MUC13: variants seen among roughly 807,000 people sequenced by gnomAD.
MUC13 encodes the protein mucin-13.
Under a neutral mutation model 48.3 loss-of-function variants are expected in MUC13, and 32 were observed. The ratio of observed to expected loss-of-function variants is 0.66; its 90% CI spans 0.50 to 0.89. MUC13 has a LOEUF of 0.89. Among genes scored for constraint, MUC13 ranks in the 40% least tolerant of loss-of-function variants. The pLI is 0.00. For missense variants in MUC13, 571 were observed against 622.8 expected, an observed-to-expected ratio of 0.92 and a Z score of 0.88; for synonymous variants, 199 against 224.9, an observed-to-expected ratio of 0.88 and a Z score of 1.03.
At chr3:124,907,028 A>G (rs1935330655) in intron 11 of MUC13, among the ~76,000 whole-genome samples, 1 of 151,856 alleles carries the variant, frequency 6.6e-6, no homozygotes, top group Non-Finnish European at 1.5e-5. Context: ...TCAACATTTC[A>G]TTCAATCACA....
intron 8 of MUC13, chr3:124,912,350 G>A (rs920949538): frequency 2.9e-5 from 19 of 644,516 alleles, no homozygotes; most frequent in East Asian, 1.4e-4. Flanking sequence ...AGGGGGGTAC[G>A]CAATCTCATG....
chr3:124,918,174 G>A (rs1935537560), intron 5 of MUC13, among the ~76,000 whole-genome samples: 2 of 152,152 alleles, frequency 1.3e-5, no homozygotes, highest in African/African-American at 2.4e-5. Context: ...GTAGGAAAGA[G>A]CTTGGGGAGT....
intron 9 of MUC13, among the ~76,000 whole-genome samples, chr3:124,911,102 T>C (rs1218600017): frequency 6.6e-6 from 1 of 152,268 alleles, no homozygotes; most frequent in Non-Finnish European, 1.5e-5. Context: ...CTTTTTTTAT[T>C]GATTCCATGT....
Position 124,908,346 on chromosome 3 carries a change from G to A in MUC13, c.1340C>T (p.Ser447Leu), listed in dbSNP as rs548090179. 3.6e-4 allele frequency: 587 copies of A among 1,613,432 alleles called. 9 individuals carry two copies. The South Asian group carries it at 6.3e-3, about 17-fold the overall frequency. ...TTCAATATGCTTCGTTTTGTTATTT[G>A]ATCTGTAATCAGTAAGAGGAATTAG... ...MIIALIVTAR[S>L]NNKTKHIEEE... The change falls in exon 11 of 12, where the codon TCA (serine) becomes TTA (leucine). Residue 447 changes from serine (S) to leucine (L), a missense_variant and splice_region_variant. Transcript: ENST00000616727.
chr3:124,934,023 C>T (rs1333059673), intron 1 of MUC13, among the ~76,000 whole-genome samples: 2 of 152,202 alleles, frequency 1.3e-5, no homozygotes, highest in East Asian at 3.8e-4. Context: ...CTGTGGTCAG[C>T]TCTCTGATTA....
chr3:124,920,159 C>T, intron 5 of MUC13, 75 bp downstream of exon 5: 4 of 1,267,498 alleles, frequency 3.2e-6, no homozygotes, highest in Non-Finnish European at 4.5e-6. Context: ...CTTAATGTTA[C>T]ATGCAGACCT....
chr3:124,926,770 G>T (rs1935694962), intron 2 of MUC13, among the ~76,000 whole-genome samples: 1 of 152,226 alleles, frequency 6.6e-6, no homozygotes, highest in Non-Finnish European at 1.5e-5. Context: ...CCTTTTGTTT[G>T]TTAACTGTGG....
Position 124,922,283 on chromosome 3 carries a change from T to C in MUC13, c.658A>G (p.Ile220Val). 1.9e-6 allele frequency: 3 copies of C among 1,614,016 alleles called. No individual in the cohort carries two copies. Among genetic ancestry groups the C allele is most frequent in the Non-Finnish European group, 1.7e-6 (2 of 1,179,964 alleles). The change falls in exon 4 of 12, where the codon ATT becomes GTT. Residue 220 changes from isoleucine to valine, a missense_variant. Coordinates refer to ENST00000616727, the MANE Select transcript of MUC13 (RefSeq NM_033049.4). ...AATGTTTCTGATACTGTCACTGAAATCTTCCCAGGGAATACCTTTCCTGAA... is the reference window on the plus strand; with the variant it reads ...AATGTTTCTGATACTGTCACTGAAACCTTCCCAGGGAATACCTTTCCTGAA... ...CKKGKVFPGKISVTVSETFDP... is the reference protein window; with the variant it reads ...CKKGKVFPGKVSVTVSETFDP...
intron 4 of MUC13, among the ~76,000 whole-genome samples, chr3:124,920,567 C>T (rs182506976): frequency 2.0e-5 from 3 of 152,326 alleles, no homozygotes; most frequent in Admixed American, 6.5e-5. Context: ...GATTACAAAT[C>T]TCCCAGAAAC....
rs184438977 is a variant in MUC13, at chr3:124,932,710, C to T, written c.52+1951G>A. Among the ~76,000 whole-genome samples, 6 of 152,274 alleles carry T rather than the reference C, an allele frequency of 3.9e-5. No individual in the cohort carries two copies. The East Asian group carries it at 1.2e-3, about 29-fold the overall frequency. ...GTCTCATTTAATCCTCTCAGTCACTCTTCAGTATAGGGATTTCCCCTCTAT... is the reference window on the plus strand; with the variant it reads ...GTCTCATTTAATCCTCTCAGTCACTTTTCAGTATAGGGATTTCCCCTCTAT... On this transcript the variant is annotated intron_variant, in intron 1 of 11. Transcript: ENST00000616727.
intron 5 of MUC13, among the ~76,000 whole-genome samples, chr3:124,917,502 G>A (rs924351372): frequency 1.3e-5 from 2 of 151,834 alleles, no homozygotes; most frequent in East Asian, 3.9e-4. Context: ...ACGCGCCACC[G>A]TGCCCAGCTA....
Position 124,913,108 on chromosome 3 carries a change from T to G in MUC13, c.1214+3A>C. On this transcript the variant is annotated splice_donor_region_variant and intron_variant, in intron 8 of 11. Transcript: ENST00000616727. ...AAGACAAAAACAAAGTTATTTTTCT[T>G]ACTTTTGGCAGTTCCCATTAGCATC... The G allele has an allele frequency of 6.2e-7, 1 of 1,613,474 alleles. No individual in the cohort carries two copies. Among genetic ancestry groups the G allele is most frequent in the Non-Finnish European group, 8.5e-7 (1 of 1,179,728 alleles).
At chr3:124,930,702 A>G (rs148409574) in intron 1 of MUC13, among the ~76,000 whole-genome samples, 1 of 152,296 alleles carries the variant, frequency 6.6e-6, no homozygotes, top group African/African-American at 2.4e-5. Context: ...AACACTCCAT[A>G]ATCACCACCC....
intron 10 of MUC13, 89 bp from the exon 11 acceptor site, chr3:124,908,437 T>C: frequency 9.5e-7 from 1 of 1,050,118 alleles, no homozygotes; most frequent in Non-Finnish European, 1.4e-6. Context: ...TATTTTTAAA[T>C]TCTGAAATAA....
intron 10 of MUC13, among the ~76,000 whole-genome samples, chr3:124,910,056 C>A (rs201897391): frequency 1.3e-5 from 2 of 152,164 alleles, no homozygotes; most frequent in East Asian, 3.8e-4. Context: ...TTACCCACTT[C>A]TCTATTTTCT....
At position 124,906,051 on chromosome 3, in the gene MUC13, G is replaced by A. The variant is rs890502960; in HGVS notation, c.*692C>T. On this transcript the variant is annotated 3_prime_UTR_variant, in exon 12 of 12. Coordinates refer to ENST00000616727, the MANE Select transcript of MUC13 (RefSeq NM_033049.4). ...AAACTGTAGAGTGCACCCCATAGTG[G>A]ACATTTTTAGTCCAGGCCTTCTAAT... The A allele has an allele frequency of 6.6e-6, 1 of 152,544 alleles. No individual in the cohort carries two copies. The highest frequency in any genetic ancestry group is 1.5e-5 in the Non-Finnish European group (1 of 68,030). The allele number at this position is 152,544 out of a possible 1,614,324, so 9.4% of individuals were successfully genotyped here. A position where few individuals can be genotyped will look rare whatever the true frequency, so the allele number is the denominator to read the frequency against.
In MUC13 at chr3:124,923,632, G is replaced by T. The variant is rs1404434545; in HGVS notation, c.532C>A (p.Gln178Lys). Reference protein sequence around the residue: ...LNSTGPSNPCQDDPCADNSLC... With the variant: ...LNSTGPSNPCKDDPCADNSLC... Reference sequence around the variant, plus strand: ...GAATTATCTGCACAGGGATCATCTTGGCAAGGATTGCTGGGACCTTAGATG... The same window carrying T: ...GAATTATCTGCACAGGGATCATCTTTGCAAGGATTGCTGGGACCTTAGATG... The change falls in exon 3 of 12, where the codon CAA (glutamine) becomes AAA (lysine). Residue 178 changes from glutamine to lysine, a missense_variant. Gln to Lys is a moderately conservative substitution (Grantham distance 53). Transcript: ENST00000616727. 1 of 1,613,480 alleles carries T rather than the reference G, an allele frequency of 6.2e-7. No homozygotes were observed. Among genetic ancestry groups the T allele is most frequent in the East Asian group, 2.2e-5 (1 of 44,866 alleles).
In MUC13 at chr3:124,910,480, A is replaced by T. The variant is rs762423953; in HGVS notation, c.1272T>A (p.Thr424=). 1.9e-6 allele frequency: 3 copies of T among 1,614,102 alleles called. No homozygotes were observed. In the Admixed American group the frequency reaches 5.0e-5, roughly 27 times the overall value. ...CAATGCCAGCGATGGTGCCCACAAT[A>T]GTGAGGATCAGCTGAAATTCTGAAA... ...DCKDKFQLIL[T]IVGTIAGIVI... is the part of the protein sequence containing the mutation. Residue 424 remains threonine (T), a synonymous_variant, in exon 10 of 12, where the codon ACT becomes ACA. Coordinates refer to ENST00000616727, the MANE Select transcript of MUC13 (RefSeq NM_033049.4).
chr3:124,934,551 A>G, intron 1 of MUC13, 110 bp downstream of exon 1: 1 of 752,136 alleles, frequency 1.3e-6, no homozygotes, highest in Non-Finnish European at 2.4e-6. Flanking sequence ...CTTCATTTAT[A>G]AAATAGACCA....
Sources: gnomAD v4.1 joint callset for allele counts (sites outside exome capture counted in the v4.1 genomes callset) on GRCh38, gnomAD v4.1.1 for gene constraint, MANE v1.5 for transcripts, NCBI Gene and HGNC (gene_info 2026-07-23, HGNC 2026-07-21) for gene names.